PCDHGA1: variants seen among roughly 807,000 people sequenced by gnomAD.
The protein encoded by PCDHGA1 is protocadherin gamma-A1.
A neutral mutation model predicts 58.0 loss-of-function variants in PCDHGA1; 32 were observed. The ratio of observed to expected loss-of-function variants is 0.55; its 90% CI spans 0.42 to 0.74. The LOEUF (loss-of-function observed/expected upper bound fraction) is 0.74. Among genes scored for constraint, PCDHGA1 ranks in the 30% least tolerant of loss-of-function variants. The probability of loss-of-function intolerance (pLI) is 0.00; values close to 1 mark genes in which losing one functional copy is unlikely to be tolerated. For synonymous variants in PCDHGA1, 498 were observed against 501.1 expected (o/e 0.99, Z 0.08); for missense variants, 1,205 against 1,182.3 (o/e 1.02, Z -0.28).
At chr5:141,338,812 G>C in intron 1 of PCDHGA1, 1 of 1,378,984 alleles carries the variant, frequency 7.3e-7, no homozygotes, top group Non-Finnish European at 9.3e-7. Context: ...TGGCCCTAAA[G>C]CTTCAGGACA....
rs980944782 is a variant in PCDHGA1 at position 141,487,625 on chromosome 5, T to C, written c.2422-7182T>C. On this transcript the variant is annotated intron_variant, in intron 1 of 3. Coordinates refer to ENST00000517417, the MANE Select transcript of PCDHGA1 (RefSeq NM_018912.3). This position sits in a 1 kb window ranked among gnomAD's most constrained non-coding sequence, Gnocchi z 5.0. ...TCTCTATGGGCTAGAGGTGAGACCT[T>C]TGCAGGCTCAACAAATGCTTGAGGG... 4 of 1,614,090 alleles carry C rather than the reference T, an allele frequency of 2.5e-6. No homozygotes were observed. Among genetic ancestry groups the C allele is most frequent in the Admixed American group, 3.3e-5 (2 of 60,004 alleles).
chr5:141,359,272 C>A (rs1761162358), intron 1 of PCDHGA1, among the ~76,000 whole-genome samples: 1 of 151,958 alleles, frequency 6.6e-6, no homozygotes, highest in Non-Finnish European at 1.5e-5. Context: ...TTTGGAAATG[C>A]TCAATTGGTC....
chr5:141,419,203 C>T (rs201698529), intron 1 of PCDHGA1: 140 of 1,613,988 alleles, frequency 8.7e-5, no homozygotes, highest in Non-Finnish European at 1.2e-4. Flanking sequence ...TCAATGACAA[C>T]GCGCCGGTTT....
chr5:141,503,440 C>A (rs1185892958), intron 2 of PCDHGA1, among the ~76,000 whole-genome samples: 2 of 151,694 alleles, frequency 1.3e-5, no homozygotes, highest in African/African-American at 4.8e-5. Context: ...ACTAAAAATA[C>A]AAAAATTCGC....
intron 2 of PCDHGA1, among the ~76,000 whole-genome samples, chr5:141,499,670 C>T (rs1477227784): frequency 6.6e-6 from 1 of 151,412 alleles, no homozygotes; most frequent in African/African-American, 2.4e-5. Flanking sequence ...TCTTGGTCTC[C>T]ACCATCTTTA....
At position 141,332,433 on chromosome 5, in the gene PCDHGA1, G is replaced by T. The variant is rs192894542; in HGVS notation, c.1749G>T (p.Glu583Asp). 1.6e-5 allele frequency: 26 copies of T among 1,614,036 alleles called. No individual in the cohort carries two copies. In the African/African-American group the frequency reaches 3.1e-4, roughly 19 times the overall value. ...TGGAGCTGGCGCCCCTCTCCGCAGA[G>T]CCCGGCTACCTGGTGACCAAGGTGG... Reference protein sequence around the residue: ...TGVELAPLSAEPGYLVTKVVA... With the variant: ...TGVELAPLSADPGYLVTKVVA... The change falls in exon 1 of 4, where the codon GAG becomes GAT. Residue 583 changes from glutamate (E) to aspartate (D), a missense_variant. Physicochemically the swap from Glu to Asp is conservative, Grantham distance 45 (BLOSUM62 2). Coordinates refer to ENST00000517417, the MANE Select transcript of PCDHGA1 (RefSeq NM_018912.3). The surrounding 1 kb of genome is among the most constrained non-coding windows in gnomAD (Gnocchi z 4.6).
chr5:141,408,699 CAATT>C (rs778787749), intron 1 of PCDHGA1: 9 of 1,613,534 alleles, frequency 5.6e-6, no homozygotes, highest in Non-Finnish European at 6.8e-6. Flanking sequence ...AACATAAACT[CAATT>C]AAAGATTATA....
intron 1 of PCDHGA1, among the ~76,000 whole-genome samples, chr5:141,459,949 G>T (rs1284876601): frequency 2.0e-5 from 3 of 152,124 alleles, no homozygotes; most frequent in Non-Finnish European, 4.4e-5. Context: ...GTGATGGCAG[G>T]TGCCTGTAAT....
chr5:141,420,311 T>G (rs762191274), intron 1 of PCDHGA1: 1 of 1,454,814 alleles, frequency 6.9e-7, no homozygotes, highest in Non-Finnish European at 9.3e-7. Flanking sequence ...CTTTTTATAT[T>G]ACAATATGCC....
intron 1 of PCDHGA1, among the ~76,000 whole-genome samples, chr5:141,347,637 A>C (rs1050531280): frequency 7.2e-5 from 11 of 152,108 alleles, no homozygotes; most frequent in African/African-American, 2.7e-4. Flanking sequence ...AAATACAAAA[A>C]TTAGCTGGGC....
intron 1 of PCDHGA1, chr5:141,423,091 G>GCGTAC (rs2096708211): frequency 2.5e-6 from 4 of 1,613,908 alleles, no homozygotes; most frequent in African/African-American, 2.7e-5. Context: ...CGCGGTGGGG[G>GCGTAC]AGCACACGGG....
chr5:141,418,916 T>C (rs766021059), intron 1 of PCDHGA1: 26 of 1,613,830 alleles, frequency 1.6e-5, no homozygotes, highest in Non-Finnish European at 1.7e-6. Context: ...CACGTCACTC[T>C]CTGATCAGAT....
chr5:141,399,859 G>A (rs2093908235), intron 1 of PCDHGA1: 1 of 1,612,726 alleles, frequency 6.2e-7, no homozygotes, highest in Admixed American at 1.7e-5. Flanking sequence ...GCCGCGCGCT[G>A]CAGAGCCCGG....
intron 1 of PCDHGA1, chr5:141,399,393 C>A: frequency 6.2e-7 from 1 of 1,613,976 alleles, no homozygotes; most frequent in Non-Finnish European, 8.5e-7. Flanking sequence ...CAGCCACAGA[C>A]AGGGGCAAGC....
chr5:141,366,222 C>T (rs760253419), intron 1 of PCDHGA1: 4 of 1,613,804 alleles, frequency 2.5e-6, no homozygotes, highest in Non-Finnish European at 3.4e-6. Context: ...ACAGCGCGAG[C>T]CCTGCTGGAC....
intron 1 of PCDHGA1, among the ~76,000 whole-genome samples, chr5:141,448,614 A>G (rs985924011): frequency 1.3e-5 from 2 of 152,070 alleles, no homozygotes; most frequent in East Asian, 1.9e-4. Flanking sequence ...ACCACTTTAT[A>G]TCTTCCTTTC....
intron 1 of PCDHGA1, chr5:141,359,919 G>C (rs1761361638): frequency 2.3e-6 from 1 of 442,004 alleles, no homozygotes; most frequent in South Asian, 8.5e-5. Flanking sequence ...GCAGTTTCCT[G>C]AGAAAACCTC....
intron 1 of PCDHGA1, chr5:141,346,415 T>C: frequency 1.2e-6 from 2 of 1,614,240 alleles, no homozygotes; most frequent in Non-Finnish European, 1.7e-6. Flanking sequence ...TTCTGATAAC[T>C]CAGGATTTAC....
At chr5:141,339,986 G>T in intron 1 of PCDHGA1, 5 of 1,614,136 alleles carry the variant, frequency 3.1e-6, no homozygotes, top group Non-Finnish European at 3.4e-6. Context: ...CACGGTTCTG[G>T]ATGTGAATGA....
Sources: gnomAD v4.1 joint callset for allele counts (sites outside exome capture counted in the v4.1 genomes callset) on GRCh38, gnomAD v4.1.1 for gene constraint, Gnocchi (gnomAD v3.1) non-coding constraint, MANE v1.5 for transcripts, NCBI Gene and HGNC (gene_info 2026-07-23, HGNC 2026-07-21) for gene names.